IQCJ: variants seen among roughly 807,000 people sequenced by gnomAD.
IQCJ encodes IQ domain-containing protein J.
Under a neutral mutation model 11.0 loss-of-function variants are expected in IQCJ, and 9 were observed. That is an observed-to-expected ratio of 0.82 (90% CI 0.49 to 1.43). IQCJ has a LOEUF of 1.43. IQCJ is among the 40% of genes most tolerant of loss of function. The probability of loss-of-function intolerance (pLI) is 0.00; values close to 1 mark genes in which losing one functional copy is unlikely to be tolerated. For missense variants in IQCJ, 146 were observed against 133.2 expected (o/e 1.10, Z -0.47); for synonymous variants, 55 against 51.3 (o/e 1.07, Z -0.31).
chr3:159,230,099 A>G (rs1478212554), intron 1 of IQCJ, among the ~76,000 whole-genome samples: 1 of 151,544 alleles, frequency 6.6e-6, no homozygotes, highest in Non-Finnish European at 1.5e-5. Context: ...ATGTCCAGGT[A>G]TGCTTAATGT....
At chr3:159,227,303 A>G (rs1011398527) in intron 1 of IQCJ, among the ~76,000 whole-genome samples, 4 of 152,226 alleles carry the variant, frequency 2.6e-5, no homozygotes, top group Non-Finnish European at 5.9e-5. Context: ...TTTAGCCACC[A>G]TGAAACTGTA....
At chr3:159,124,847 G>T (rs1036085729) in intron 1 of IQCJ, among the ~76,000 whole-genome samples, 1 of 152,162 alleles carries the variant, frequency 6.6e-6, no homozygotes, top group Non-Finnish European at 1.5e-5. Flanking sequence ...TAAGGAAAAT[G>T]ACAATAAGAG....
chr3:159,237,578 T>C (rs1247770829), intron 1 of IQCJ, among the ~76,000 whole-genome samples: 2 of 152,366 alleles, frequency 1.3e-5, no homozygotes, highest in East Asian at 3.9e-4. Context: ...CTAGATTCCT[T>C]TGCCACTCAT....
Position 159,262,897 on chromosome 3 carries a change from T to C in IQCJ, c.*166T>C, listed in dbSNP as rs967882490. The stretch of plus-strand genomic sequence containing the variant: ...AGCACAAAGTGAACTTTATCAAGTC[T>C]GGAGAAAATAGATTGCATTTATGTG... On this transcript the variant is annotated 3_prime_UTR_variant, in exon 4 of 4. Transcript: ENST00000397832. 13 of 1,386,460 alleles carry C rather than the reference T, an allele frequency of 9.4e-6. No individual in the cohort carries two copies. The highest frequency in any genetic ancestry group is 9.4e-6 in the Non-Finnish European group (10 of 1,069,022). The allele number at this position is 1,386,460 out of a possible 1,614,324, so 85.9% of individuals were successfully genotyped here. A position where few individuals can be genotyped will look rare whatever the true frequency, so the allele number is the denominator to read the frequency against.
At chr3:159,265,226 C>T (rs1363491152), downstream of IQCJ, 1 of 1,613,028 alleles carries the variant, frequency 6.2e-7, no homozygotes. Flanking sequence ...TTGCCAGGGC[C>T]CCTGTTGGGA....
At chr3:159,156,793 A>C (rs1721545769) in intron 1 of IQCJ, among the ~76,000 whole-genome samples, 1 of 152,176 alleles carries the variant, frequency 6.6e-6, no homozygotes, top group African/African-American at 2.4e-5. Flanking sequence ...ACTAAAATAA[A>C]CATGCAAAAA....
Position 159,163,375 on chromosome 3 carries a change from C to G in IQCJ, c.10-82468C>G, listed in dbSNP as rs568778821. On this transcript the variant is annotated intron_variant, in intron 1 of 3. Transcript: ENST00000397832. ...AAGGCCTTTGACAAAATTCAACAAC[C>G]CTTCATGCTAAAAACTCTCAATAAA... is the stretch of plus-strand genomic sequence containing the variant. 1.8e-3 allele frequency among the ~76,000 whole-genome samples: 281 copies of G among 152,090 alleles called. 2 individuals carry two copies. The highest frequency in any genetic ancestry group is 6.2e-3 in the African/African-American group (257 of 41,528).
intron 1 of IQCJ, among the ~76,000 whole-genome samples, chr3:159,219,199 A>C (rs1205467460): frequency 1.3e-5 from 2 of 152,082 alleles, no homozygotes; most frequent in East Asian, 1.9e-4. Flanking sequence ...TACATCAAAA[A>C]TCTCTAGGAG....
chr3:159,239,918 T>C (rs774822830), intron 1 of IQCJ, among the ~76,000 whole-genome samples: 2 of 152,192 alleles, frequency 1.3e-5, no homozygotes, highest in Non-Finnish European at 2.9e-5. Context: ...AGCTATACCA[T>C]CTAGGTTTGT....
Sources: gnomAD v4.1 joint callset for allele counts (sites outside exome capture counted in the v4.1 genomes callset) on GRCh38, gnomAD v4.1.1 for gene constraint, MANE v1.5 for transcripts, NCBI Gene and HGNC (gene_info 2026-07-23, HGNC 2026-07-21) for gene names.